FRMD4A: variants seen among roughly 807,000 people sequenced by gnomAD.
The protein encoded by FRMD4A is FERM domain containing 4A.
In FRMD4A, 29 loss-of-function variants were observed where a neutral mutation model predicts 129.1. The ratio of observed to expected loss-of-function variants is 0.22; its 90% CI spans 0.17 to 0.31. FRMD4A has a LOEUF of 0.31. FRMD4A is among the 10% of genes least tolerant of loss of function. The pLI is 1.00. For missense variants in FRMD4A, 1,272 were observed against 1,375.8 expected (o/e 0.92, Z 1.19); for synonymous variants, 634 against 571.6 (o/e 1.11, Z -1.56).
chr10:14,213,824 G>C (rs539892346), intron 2 of FRMD4A, among the ~76,000 whole-genome samples: 12 of 152,194 alleles, frequency 7.9e-5, no homozygotes, highest in Non-Finnish European at 1.6e-4. Flanking sequence ...AATCATGGGG[G>C]TGGTTTACCC....
At position 14,113,142 on chromosome 10, in the gene FRMD4A, T is replaced by C. The variant is rs1838012642; in HGVS notation, c.45+216916A>G. ...TGATTTTCATTTCATTTGTCATCAT[T>C]ATTATTGTATTTTCAAAAATAGATA... On this transcript the variant is annotated intron_variant, in intron 2 of 24. Transcript: ENST00000357447. Among the ~76,000 whole-genome samples the C allele has an allele frequency of 5.3e-5, 8 of 152,322 alleles. No homozygotes were observed. In the South Asian group the frequency reaches 1.4e-3, roughly 28 times the overall value.
intron 2 of FRMD4A, among the ~76,000 whole-genome samples, chr10:14,175,432 G>T (rs957687206): frequency 6.6e-6 from 1 of 150,388 alleles, no homozygotes; most frequent in Non-Finnish European, 1.5e-5. Context: ...TTCTCCTCCC[G>T]TTCACACATC....
At chr10:14,000,667 A>AAAAAAAAAG (rs200369296) in intron 2 of FRMD4A, among the ~76,000 whole-genome samples, 1,289 of 106,436 alleles carry the variant, frequency 0.012, 129 homozygotes, top group Non-Finnish European at 0.019. Context: ...AAAAAAAAAA[A>AAAAAAAAAG]AGAGAAGAAA....
rs2093634115 is a variant in FRMD4A at position 13,821,875 on chromosome 10, T to C, written c.112-10967A>G. Among the ~76,000 whole-genome samples the C allele has an allele frequency of 1.3e-5, 2 of 152,076 alleles. No individual in the cohort carries two copies. The highest frequency in any genetic ancestry group is 2.4e-5 in the African/African-American group (1 of 41,406). On this transcript the variant is annotated intron_variant, in intron 3 of 24. Coordinates refer to ENST00000357447, the MANE Select transcript of FRMD4A (RefSeq NM_018027.5). The surrounding 1 kb of genome is among the most constrained non-coding windows in gnomAD (Gnocchi z 4.3). The stretch of plus-strand genomic sequence containing the variant: ...CTGTCCAGGACGAGGGTGGGCACCT[T>C]GGTTACCAGCATAGGTGAGGTGGCC...
Position 13,728,573 on chromosome 10 carries a change from C to CTTTTTTTTTTT in FRMD4A, c.759+9260_759+9270dup, listed in dbSNP as rs10706168. Among the ~76,000 whole-genome samples, 734 of 78,270 alleles carry CTTTTTTTTTTT rather than the reference C, an allele frequency of 9.4e-3. 124 individuals are homozygous for CTTTTTTTTTTT. Among genetic ancestry groups the CTTTTTTTTTTT allele is most frequent in the African/African-American group, 0.028 (593 of 21,188 alleles). The allele number at this position is 78,270 out of a possible 152,430, so 51.3% of individuals were successfully genotyped here. On this transcript the variant is annotated intron_variant, in intron 12 of 24. Coordinates refer to ENST00000357447, the MANE Select transcript of FRMD4A (RefSeq NM_018027.5). ...TCAGTGCTTTCAGGTGATTACCATTCTTTTTTTTTTTTTTTTTGAGATGGA... is the reference window on the plus strand; with the variant it reads ...TCAGTGCTTTCAGGTGATTACCATTCTTTTTTTTTTTTTTTTTTTTTTTTTTTTGAGATGGA...
intron 2 of FRMD4A, among the ~76,000 whole-genome samples, chr10:13,968,200 T>C (rs2095496911): frequency 6.6e-6 from 1 of 152,138 alleles, no homozygotes. Context: ...TCAGAACCGC[T>C]GGGAGTCAGG....
rs117151144 is a variant in FRMD4A, at chr10:13,691,815, G to A, written c.1117+2083C>T. Among the ~76,000 whole-genome samples the A allele has an allele frequency of 6.8e-3, 1,028 of 152,256 alleles. 1 individual carries two copies. The highest frequency in any genetic ancestry group is 8.7e-3 in the Non-Finnish European group (590 of 68,012). ...GGTTTTCACAGGGTTAGGAAAAAAC[G>A]CGATTGTAGGTTGTGTTTAAAACAC... On this transcript the variant is annotated intron_variant, in intron 15 of 24. Coordinates refer to ENST00000357447, the MANE Select transcript of FRMD4A (RefSeq NM_018027.5).
intron 3 of FRMD4A, among the ~76,000 whole-genome samples, chr10:13,834,176 A>C (rs567129245): frequency 5.9e-5 from 9 of 152,264 alleles, no homozygotes; most frequent in Admixed American, 4.6e-4. Context: ...AGGCAGGAGA[A>C]TCGCTTGAAC....
At chr10:14,200,931 T>C (rs1483418126) in intron 2 of FRMD4A, among the ~76,000 whole-genome samples, 1 of 152,222 alleles carries the variant, frequency 6.6e-6, no homozygotes, top group East Asian at 1.9e-4. Context: ...CCATTCTGGC[T>C]GGTCCTACCT....
intron 2 of FRMD4A, among the ~76,000 whole-genome samples, chr10:13,893,717 G>A (rs2131171463): frequency 6.6e-6 from 1 of 152,254 alleles, no homozygotes; most frequent in East Asian, 1.9e-4. Flanking sequence ...GTTTTGCCAT[G>A]TTGGCCAGGC....
At chr10:14,049,247 A>G (rs1323582826) in intron 2 of FRMD4A, among the ~76,000 whole-genome samples, 2 of 152,154 alleles carry the variant, frequency 1.3e-5, no homozygotes, top group African/African-American at 2.4e-5. Context: ...GAGCAATTAA[A>G]CCGATTATAA....
chr10:13,706,988 C>A, intron 13 of FRMD4A, 49 bp downstream of exon 13: 1 of 963,332 alleles, frequency 1.0e-6, no homozygotes, highest in East Asian at 2.4e-5. Context: ...CATAACACGC[C>A]CGGCCGAGAG....
At chr10:13,897,423 G>T (rs746230115) in intron 2 of FRMD4A, among the ~76,000 whole-genome samples, 10 of 152,176 alleles carry the variant, frequency 6.6e-5, no homozygotes, top group Non-Finnish European at 1.3e-4. Flanking sequence ...AGAGAGGAGA[G>T]GTGCTCTGAG....
rs1279200564 is a variant in FRMD4A at position 14,163,130 on chromosome 10, A to G, written c.45+166928T>C. 2.6e-5 allele frequency among the ~76,000 whole-genome samples: 4 copies of G among 152,232 alleles called. No individual in the cohort carries two copies. In the East Asian group the frequency reaches 7.7e-4, roughly 29 times the overall value. On this transcript the variant is annotated intron_variant, in intron 2 of 24. Coordinates refer to ENST00000357447, the MANE Select transcript of FRMD4A (RefSeq NM_018027.5). ...TAATTTAAACAAAACAAAACAAAAA[A>G]ACCCCGATGAAGTAAGACTTTAATC...
chr10:13,686,259 G>T (rs2085071164), intron 15 of FRMD4A, among the ~76,000 whole-genome samples: 1 of 152,250 alleles, frequency 6.6e-6, no homozygotes, highest in Admixed American at 6.5e-5. Context: ...GGGAGGAGAA[G>T]GAGGAAGGAC....
At chr10:13,800,735 T>C (rs533138622) in intron 4 of FRMD4A, among the ~76,000 whole-genome samples, 77 of 152,324 alleles carry the variant, frequency 5.1e-4, no homozygotes, top group African/African-American at 1.8e-3. Flanking sequence ...CAGACAGATG[T>C]CATTTGGATT....
intron 3 of FRMD4A, among the ~76,000 whole-genome samples, chr10:13,828,513 A>T (rs1475764261): frequency 7.9e-6 from 1 of 126,608 alleles, no homozygotes; most frequent in Non-Finnish European, 1.6e-5. Flanking sequence ...TATGTATACC[A>T]TGTTTTCTTC....
At position 14,330,804 on chromosome 10, in the gene FRMD4A, T is replaced by C; in HGVS notation, c.-289A>G. 2.5e-6 allele frequency: 1 copy of C among 398,788 alleles called. No homozygotes were observed. The highest frequency in any genetic ancestry group is 4.4e-6 in the Non-Finnish European group (1 of 226,236). 24.7% of individuals were successfully genotyped at this position (398,788 alleles called of 1,614,324 possible). A position where few individuals can be genotyped will look rare whatever the true frequency, so the allele number is the denominator to read the frequency against. ...CCCAGATCTACTTTTCCTCTCCAAG[T>C]AGACTGGCCAGCTCAGCTCCCGGTA... On this transcript the variant is annotated 5_prime_UTR_variant, in exon 1 of 25. Coordinates refer to ENST00000357447, the MANE Select transcript of FRMD4A (RefSeq NM_018027.5).
intron 6 of FRMD4A, among the ~76,000 whole-genome samples, chr10:13,777,862 G>A (rs967820353): frequency 1.4e-5 from 2 of 143,196 alleles, no homozygotes; most frequent in African/African-American, 5.1e-5. Context: ...GCAATGGTGC[G>A]ATCTCGGCTT....
Sources: allele counts gnomAD v4.1 joint callset (sites outside exome capture counted in the v4.1 genomes callset), GRCh38; gene constraint gnomAD v4.1.1; non-coding constraint Gnocchi (gnomAD v3.1); transcripts MANE v1.5; gene names NCBI Gene and HGNC (gene_info 2026-07-23, HGNC 2026-07-21).